The following CAMK2D variants were observed in gnomAD, a reference collection of about 807,000 sequenced individuals.
CAMK2D encodes the protein calcium/calmodulin dependent protein kinase II delta.
A neutral mutation model predicts 84.0 loss-of-function variants in CAMK2D; 37 were observed. The ratio of observed to expected loss-of-function variants is 0.44; its 90% CI spans 0.34 to 0.58. CAMK2D has a LOEUF of 0.58. Ranked by LOEUF, CAMK2D falls within the 20% of genes least tolerant of loss-of-function variation. The pLI is 0.02. For missense variants in CAMK2D, 448 were observed against 652.5 expected (o/e 0.69, Z 3.41); for synonymous variants, 202 against 212.5 (o/e 0.95, Z 0.43).
intron 3 of CAMK2D, among the ~76,000 whole-genome samples, chr4:113,644,389 G>A (rs1418907940): frequency 6.6e-6 from 1 of 152,170 alleles, no homozygotes; most frequent in African/African-American, 2.4e-5. Flanking sequence ...AAGGTAATCT[G>A]AAATAGATCA....
At chr4:113,656,803 T>G (rs2099202759) in intron 3 of CAMK2D, among the ~76,000 whole-genome samples, 2 of 152,146 alleles carry the variant, frequency 1.3e-5, no homozygotes, top group African/African-American at 4.8e-5. Context: ...ATATCTTGCC[T>G]GACAAAACGC....
At chr4:113,759,055 T>A (rs2099634985) in intron 2 of CAMK2D, 1 of 219,420 alleles carries the variant, frequency 4.6e-6, no homozygotes, top group Non-Finnish European at 8.8e-6. Flanking sequence ...GACATTTATT[T>A]GCTTTAAAAT....
intron 2 of CAMK2D, among the ~76,000 whole-genome samples, chr4:113,663,622 A>AT (rs2099245454): frequency 6.7e-6 from 1 of 149,818 alleles, no homozygotes; most frequent in Non-Finnish European, 1.5e-5. Context: ...AATAATAATA[A>AT]AGTACATGAA....
intron 2 of CAMK2D, among the ~76,000 whole-genome samples, chr4:113,727,054 C>T (rs927979386): frequency 6.6e-6 from 1 of 152,062 alleles, no homozygotes; most frequent in African/African-American, 2.4e-5. Flanking sequence ...AACTAGTCTC[C>T]GCTCATGTGT....
intron 4 of CAMK2D, among the ~76,000 whole-genome samples, chr4:113,573,939 C>T (rs2098767337): frequency 6.6e-6 from 1 of 152,138 alleles, no homozygotes; most frequent in Non-Finnish European, 1.5e-5. Context: ...CCCTGTCTAC[C>T]CTCATTCTCT....
intron 1 of CAMK2D, 32 bp downstream of exon 1, chr4:113,760,972 G>C (rs1228499328): frequency 3.1e-6 from 5 of 1,613,940 alleles, no homozygotes; most frequent in Non-Finnish European, 4.2e-6. Context: ...AGCTGGAAAG[G>C]GGATATGCGG....
chr4:113,662,856 T>C (rs2099240209), intron 2 of CAMK2D, among the ~76,000 whole-genome samples: 2 of 152,236 alleles, frequency 1.3e-5, no homozygotes, highest in Admixed American at 1.3e-4. Context: ...TCCCTGGGTC[T>C]GCAGACACAC....
At chr4:113,484,048 C>A (rs543602729) in intron 16 of CAMK2D, among the ~76,000 whole-genome samples, 14 of 152,152 alleles carry the variant, frequency 9.2e-5, no homozygotes, top group African/African-American at 2.4e-4. Context: ...ATCTGTGGGG[C>A]ATTCTGAAAC....
chr4:113,472,446 A>G (rs1482741693), intron 16 of CAMK2D, among the ~76,000 whole-genome samples: 1 of 152,210 alleles, frequency 6.6e-6, no homozygotes, highest in African/African-American at 2.4e-5. Flanking sequence ...AGCAGATTTA[A>G]TCTTAAAAGT....
intron 12 of CAMK2D, among the ~76,000 whole-genome samples, chr4:113,510,935 GA>G (rs2098204088): frequency 6.6e-6 from 1 of 151,998 alleles, no homozygotes; most frequent in Admixed American, 6.6e-5. Context: ...TGTTTGCCTG[GA>G]GCTAAAAAGC....
In CAMK2D at chr4:113,549,087, T is replaced by C. The variant is rs181744899; in HGVS notation, c.342-1371A>G. On this transcript the variant is annotated intron_variant, in intron 5 of 20. Coordinates refer to ENST00000511664, the MANE Select transcript of CAMK2D (RefSeq NM_001321571.2). ...ATGTTCTGGGAAAATTCTTCAGAGA[T>C]ATAAAATTTCCAGGTATTTCTTATA... Among the ~76,000 whole-genome samples the C allele has an allele frequency of 1.7e-3, 259 of 152,274 alleles. 1 individual carries two copies. Among genetic ancestry groups the C allele is most frequent in the African/African-American group, 6.1e-3 (252 of 41,566 alleles).
intron 4 of CAMK2D, among the ~76,000 whole-genome samples, chr4:113,561,618 A>G (rs1306382291): frequency 1.3e-5 from 2 of 152,238 alleles, no homozygotes; most frequent in Non-Finnish European, 2.9e-5. Flanking sequence ...TTATCTGAAT[A>G]AAGGCTTAAG....
chr4:113,519,101 G>C (rs1468158556), intron 8 of CAMK2D, among the ~76,000 whole-genome samples: 1 of 152,088 alleles, frequency 6.6e-6, no homozygotes, highest in African/African-American at 2.4e-5. Flanking sequence ...CAGGAGGCAA[G>C]TAGAAAAAAA....
intron 4 of CAMK2D, among the ~76,000 whole-genome samples, chr4:113,583,683 A>G (rs2098821150): frequency 6.6e-6 from 1 of 152,194 alleles, no homozygotes; most frequent in African/African-American, 2.4e-5. Context: ...TAAAAATAAA[A>G]TTTCTAGTTT....
At position 113,540,964 on chromosome 4, in the gene CAMK2D, C is replaced by T. The variant is rs183473242; in HGVS notation, c.415-3521G>A. Among the ~76,000 whole-genome samples the T allele has an allele frequency of 9.1e-4, 139 of 152,250 alleles. 1 individual carries two copies. Among genetic ancestry groups the T allele is most frequent in the African/African-American group, 3.1e-3 (128 of 41,542 alleles). On this transcript the variant is annotated intron_variant, in intron 6 of 20. Transcript: ENST00000511664. ...CCACCCCCACTGCTTCCTAATGATG[C>T]AGGATTTTCCATGACATCTGGTCTC...
At chr4:113,513,796 A>G (rs1590492900) in intron 11 of CAMK2D, 34 bp downstream of exon 11, 1 of 989,684 alleles carries the variant, frequency 1.0e-6, no homozygotes, top group East Asian at 2.4e-5. Flanking sequence ...AGTCTGTCAA[A>G]TCTACCTCCC....
chr4:113,698,521 A>G (rs1160478016), intron 2 of CAMK2D, among the ~76,000 whole-genome samples: 1 of 152,118 alleles, frequency 6.6e-6, no homozygotes, highest in Non-Finnish European at 1.5e-5. Context: ...AATGTTAGCT[A>G]TCCTCATTAT....
At chr4:113,621,448 C>T (rs1282332618) in intron 3 of CAMK2D, among the ~76,000 whole-genome samples, 2 of 152,024 alleles carry the variant, frequency 1.3e-5, no homozygotes, top group Non-Finnish European at 2.9e-5. Context: ...TCAAACTGTC[C>T]TTCAACCCTG....
chr4:113,462,083 T>G (rs1181492963), intron 17 of CAMK2D, among the ~76,000 whole-genome samples: 1 of 152,174 alleles, frequency 6.6e-6, no homozygotes, highest in African/African-American at 2.4e-5. Flanking sequence ...ACAGCGTTCC[T>G]ATGGTAACAA....
Sources: gnomAD v4.1 joint callset for allele counts (sites outside exome capture counted in the v4.1 genomes callset) on GRCh38, gnomAD v4.1.1 for gene constraint, MANE v1.5 for transcripts, NCBI Gene and HGNC (gene_info 2026-07-23, HGNC 2026-07-21) for gene names.